ANKRD28: variants seen among roughly 807,000 people sequenced by gnomAD.
ANKRD28 encodes serine/threonine-protein phosphatase 6 regulatory ankyrin repeat subunit A.
A neutral mutation model predicts 126.5 loss-of-function variants in ANKRD28; 44 were observed. The ratio of observed to expected loss-of-function variants is 0.35; its 90% confidence interval spans 0.27 to 0.45. The LOEUF (loss-of-function observed/expected upper bound fraction) is 0.45. ANKRD28 is among the 20% of genes least tolerant of loss of function. ANKRD28 has a pLI of 1.00. For synonymous variants in ANKRD28, 442 were observed against 468.5 expected (o/e 0.94, Z 0.73); for missense variants, 1,110 against 1,316.6 (o/e 0.84, Z 2.43).
rs758460133 is a variant in ANKRD28, at chr3:15,724,414, C to T, written c.751G>A (p.Val251Ile). 1.7e-5 allele frequency: 27 copies of T among 1,606,906 alleles called. No homozygotes were observed. Among genetic ancestry groups the T allele is most frequent in the Middle Eastern group, 1.6e-4 (1 of 6,066 alleles). ...HAAASSGMIS[V>I]VKYLLDLGVD... ...CCAAGATCTAGAAGGTACTTGACTACGCTGATCATTCCACTAGAGGCTGCT... is the reference window on the plus strand; with the variant it reads ...CCAAGATCTAGAAGGTACTTGACTATGCTGATCATTCCACTAGAGGCTGCT... The change falls in exon 7 of 28, where the codon GTA (valine) becomes ATA (isoleucine). Residue 251 changes from valine (V) to isoleucine (I), a missense_variant. By Grantham distance (29) the Val-to-Ile change is conservative. Coordinates refer to ENST00000683139, the MANE Select transcript of ANKRD28 (RefSeq NM_001349278.2).
chr3:15,718,325 C>T (rs1256609817), intron 8 of ANKRD28, among the ~76,000 whole-genome samples: 1 of 152,210 alleles, frequency 6.6e-6, no homozygotes, highest in East Asian at 1.9e-4. Flanking sequence ...ACCAACATCA[C>T]AGGCTGTTGC....
At chr3:15,762,199 A>C (rs1367153991) in intron 3 of ANKRD28, among the ~76,000 whole-genome samples, 3 of 30,132 alleles carry the variant, frequency 1.0e-4, no homozygotes, top group African/African-American at 1.4e-4. Context: ...AAAAAAAAAA[A>C]AAAAAAAAAA....
intron 1 of ANKRD28, among the ~76,000 whole-genome samples, chr3:15,796,152 T>C (rs2060264865): frequency 6.6e-6 from 1 of 152,136 alleles, no homozygotes; most frequent in Admixed American, 6.5e-5. Flanking sequence ...AACTACTAAT[T>C]CTCAAATTAT....
At chr3:15,775,822 T>C (rs1290213624) in intron 2 of ANKRD28, among the ~76,000 whole-genome samples, 4 of 152,182 alleles carry the variant, frequency 2.6e-5, no homozygotes, top group African/African-American at 9.7e-5. Context: ...CCAGTCCTTT[T>C]GGGCTTTTAT....
intron 1 of ANKRD28, among the ~76,000 whole-genome samples, chr3:15,848,539 G>C (rs1043834136): frequency 2.6e-5 from 4 of 152,096 alleles, no homozygotes; most frequent in Non-Finnish European, 5.9e-5. Flanking sequence ...GCCAGGCATA[G>C]TGGTGCATGC....
intron 1 of ANKRD28, among the ~76,000 whole-genome samples, chr3:15,849,902 C>T (rs895417180): frequency 7.2e-5 from 11 of 151,898 alleles, no homozygotes; most frequent in African/African-American, 2.7e-4. Context: ...TGTTAATCTG[C>T]CTGGTGTCAA....
intron 1 of ANKRD28, among the ~76,000 whole-genome samples, chr3:15,835,819 T>C (rs1186864550): frequency 6.6e-6 from 1 of 152,170 alleles, no homozygotes; most frequent in Non-Finnish European, 1.5e-5. Context: ...GAAAGACAGA[T>C]ACTAAAGGAA....
chr3:15,785,788 A>C (rs1259556723), intron 2 of ANKRD28, among the ~76,000 whole-genome samples: 1 of 152,098 alleles, frequency 6.6e-6, no homozygotes, highest in African/African-American at 2.4e-5. Flanking sequence ...TAACTGCCAA[A>C]ACTTGGAAGC....
intron 1 of ANKRD28, among the ~76,000 whole-genome samples, chr3:15,847,589 C>T (rs1004751061): frequency 6.6e-6 from 1 of 152,180 alleles, no homozygotes; most frequent in African/African-American, 2.4e-5. Context: ...TTCCAGCATG[C>T]TCTAAATCTT....
chr3:15,804,539 A>G (rs2060536993), intron 1 of ANKRD28, among the ~76,000 whole-genome samples: 1 of 145,674 alleles, frequency 6.9e-6, no homozygotes, highest in South Asian at 2.3e-4. Flanking sequence ...ACTATCATTT[A>G]TAATATATAA....
chr3:15,814,628 AAC>A lies in ANKRD28; in HGVS notation c.28-19324_28-19323del, dbSNP rs140629073. Among the ~76,000 whole-genome samples the A allele has an allele frequency of 3.3e-5, 5 of 151,140 alleles. No individual in the cohort carries two copies. The highest frequency in any genetic ancestry group is 6.6e-5 in the Admixed American group (1 of 15,144). Reference sequence around the variant, plus strand: ...GTCATTCTCATAAATCTTAAACACAAACACACACACACACATATACACACACA... The same window carrying A: ...GTCATTCTCATAAATCTTAAACACAAACACACACACACATATACACACACA... On this transcript the variant is annotated intron_variant, in intron 1 of 27. Coordinates refer to the ANKRD28 transcript ENST00000399451. This position sits in a 1 kb window ranked among gnomAD's most constrained non-coding sequence, Gnocchi z 4.7.
chr3:15,769,450 T>A (rs530896699), intron 2 of ANKRD28, among the ~76,000 whole-genome samples: 2 of 152,228 alleles, frequency 1.3e-5, no homozygotes, highest in Non-Finnish European at 2.9e-5. Context: ...AAGGCTTTTT[T>A]AAAAAAAGCC....
At chr3:15,762,213 AC>A (rs1559489210) in intron 3 of ANKRD28, among the ~76,000 whole-genome samples, 791 of 33,016 alleles carry the variant, frequency 0.024, 32 homozygotes, top group African/African-American at 0.045. Context: ...AAAAAAAAAA[AC>A]AAAACAAAAA....
intron 6 of ANKRD28, among the ~76,000 whole-genome samples, chr3:15,724,853 C>A (rs772180461): frequency 6.6e-6 from 1 of 152,130 alleles, no homozygotes; most frequent in Non-Finnish European, 1.5e-5. Flanking sequence ...TGGTGGCATG[C>A]ACCTGTAGTC....
At chr3:15,799,784 C>T (rs1198260586), upstream of ANKRD28, among the ~76,000 whole-genome samples, 1 of 151,952 alleles carries the variant, frequency 6.6e-6, no homozygotes, top group East Asian at 1.9e-4. Flanking sequence ...ACACTTAGGT[C>T]TTTCCCAACC....
intron 24 of ANKRD28, 88 bp downstream of exon 24, chr3:15,678,121 C>T: frequency 3.1e-6 from 4 of 1,287,784 alleles, no homozygotes; most frequent in Non-Finnish European, 4.2e-6. Flanking sequence ...GGTAAGATAA[C>T]TAGTTGAAGT....
At chr3:15,781,019 A>G (rs775663422) in intron 2 of ANKRD28, among the ~76,000 whole-genome samples, 1 of 151,880 alleles carries the variant, frequency 6.6e-6, no homozygotes, top group Non-Finnish European at 1.5e-5. Flanking sequence ...ATTTTTTTGG[A>G]TATGACCTGA....
intron 2 of ANKRD28, among the ~76,000 whole-genome samples, chr3:15,789,315 T>G (rs899460851): frequency 6.6e-6 from 1 of 152,054 alleles, no homozygotes; most frequent in Non-Finnish European, 1.5e-5. Flanking sequence ...CCAAGACTGA[T>G]CTAGCAAAAA....
intron 4 of ANKRD28, among the ~76,000 whole-genome samples, chr3:15,745,146 G>A (rs911447954): frequency 5.3e-5 from 8 of 152,064 alleles, no homozygotes; most frequent in Non-Finnish European, 1.2e-4. Flanking sequence ...CCTTTGTTAG[G>A]TGTATAGATT....
Sources: gnomAD v4.1 joint callset for allele counts (sites outside exome capture counted in the v4.1 genomes callset) on GRCh38, gnomAD v4.1.1 for gene constraint, Gnocchi (gnomAD v3.1) non-coding constraint, MANE v1.5 for transcripts, NCBI Gene and HGNC (gene_info 2026-07-23, HGNC 2026-07-21) for gene names.